ASCC1: variants seen among roughly 807,000 people sequenced by gnomAD.
The protein encoded by ASCC1 is ASC-1 complex subunit P50.
Under a neutral mutation model 46.6 loss-of-function variants are expected in ASCC1, and 35 were observed. The observed-to-expected ratio is 0.75, with a 90% confidence interval of 0.57 to 0.99. The LOEUF (loss-of-function observed/expected upper bound fraction) is 0.99. ASCC1 is among the 50% of genes least tolerant of loss of function. The pLI is 0.00. For synonymous variants in ASCC1, 143 were observed against 146.6 expected (o/e 0.98, Z 0.18); for missense variants, 376 against 428.7 (o/e 0.88, Z 1.09).
At chr10:72,217,045 GT>G, upstream of ASCC1, 1 of 454,246 alleles carries the variant, frequency 2.2e-6, no homozygotes, top group Non-Finnish European at 4.4e-6. Context: ...TCTGTCGTTT[GT>G]TCATCATTCA....
intron 7 of ASCC1, among the ~76,000 whole-genome samples, chr10:72,137,761 A>G (rs748181325): frequency 3.3e-5 from 5 of 152,220 alleles, no homozygotes; most frequent in Non-Finnish European, 5.9e-5. Flanking sequence ...TGTTAAATGT[A>G]TATCTATGGA....
At chr10:72,189,821 AAAG>A in intron 5 of ASCC1, 5 of 400,136 alleles carry the variant, frequency 1.2e-5, no homozygotes, top group South Asian at 8.3e-5. Context: ...AAAAAAAAAA[AAAG>A]AACCAAAGAC....
At chr10:72,209,177 A>AG (rs1857673441) in intron 3 of ASCC1, among the ~76,000 whole-genome samples, 2 of 144,624 alleles carry the variant, frequency 1.4e-5, no homozygotes, top group African/African-American at 5.8e-5. Flanking sequence ...AAAAAAAAAA[A>AG]AAGAGATATT....
chr10:72,118,774 C>T (rs574729191), intron 9 of ASCC1, among the ~76,000 whole-genome samples: 61 of 149,888 alleles, frequency 4.1e-4, no homozygotes, highest in African/African-American at 1.4e-3. Context: ...AATGAAACTC[C>T]GTCTCAAAAA....
intron 9 of ASCC1, among the ~76,000 whole-genome samples, chr10:72,101,238 C>G (rs907325414): frequency 2.6e-5 from 4 of 152,134 alleles, no homozygotes; most frequent in African/African-American, 9.7e-5. Flanking sequence ...TGAAAAGTCA[C>G]TGAGTCCTTT....
intron 5 of ASCC1, among the ~76,000 whole-genome samples, chr10:72,189,147 T>TA (rs1564724036): frequency 2.6e-5 from 4 of 151,832 alleles, no homozygotes; most frequent in South Asian, 4.2e-4. Flanking sequence ...ACGGCTGTAA[T>TA]ACCAGCCCTT....
chr10:72,139,801 G>A (rs1374327442), intron 7 of ASCC1, among the ~76,000 whole-genome samples: 3 of 152,150 alleles, frequency 2.0e-5, no homozygotes, highest in Non-Finnish European at 4.4e-5. Flanking sequence ...TCCAATTAAT[G>A]CTTCCTGAGC....
chr10:72,176,069 T>C (rs1851820657), intron 5 of ASCC1, among the ~76,000 whole-genome samples: 1 of 152,242 alleles, frequency 6.6e-6, no homozygotes, highest in African/African-American at 2.4e-5. Context: ...CTTAAACTTA[T>C]TAACTCATTT....
chr10:72,103,060 T>C, intron 9 of ASCC1: 1 of 391,616 alleles, frequency 2.6e-6, no homozygotes, highest in South Asian at 1.9e-5. Flanking sequence ...CAGCCAACAT[T>C]TATTAAGTAA....
intron 4 of ASCC1, among the ~76,000 whole-genome samples, chr10:72,202,194 A>G (rs1400759852): frequency 2.0e-5 from 3 of 152,084 alleles, no homozygotes; most frequent in East Asian, 3.9e-4. Context: ...TCGGCCAGAC[A>G]TGGTGCTCAC....
intron 9 of ASCC1, among the ~76,000 whole-genome samples, chr10:72,102,164 C>T (rs756289547): frequency 2.0e-5 from 3 of 152,030 alleles, no homozygotes; most frequent in South Asian, 4.2e-4. Flanking sequence ...AACATAGAAA[C>T]GCCTTGGTGA....
At chr10:72,159,829 G>C (rs1849411729) in intron 6 of ASCC1, among the ~76,000 whole-genome samples, 1 of 149,464 alleles carries the variant, frequency 6.7e-6, no homozygotes, top group South Asian at 2.1e-4. Flanking sequence ...TCTTGCTCAA[G>C]AAAAATAGTT....
chr10:72,162,603 G>A (rs1271131980), intron 5 of ASCC1, among the ~76,000 whole-genome samples: 1 of 152,064 alleles, frequency 6.6e-6, no homozygotes, highest in Non-Finnish European at 1.5e-5. Flanking sequence ...CTGCATAGCT[G>A]GGATTATGGG....
At chr10:72,131,873 ATTT>A (rs914278355) in intron 8 of ASCC1, among the ~76,000 whole-genome samples, 83 of 114,944 alleles carry the variant, frequency 7.2e-4, no homozygotes, top group African/African-American at 2.1e-3. Context: ...CTCTAGATAG[ATTT>A]TTTTTTTTTT....
At chr10:72,189,431 T>C (rs1282765824) in intron 5 of ASCC1, among the ~76,000 whole-genome samples, 1 of 149,996 alleles carries the variant, frequency 6.7e-6, no homozygotes, top group Non-Finnish European at 1.5e-5. Context: ...AATAAAAAAA[T>C]ATTTGGAGAA....
intron 4 of ASCC1, among the ~76,000 whole-genome samples, chr10:72,197,644 G>T (rs919409690): frequency 6.6e-6 from 1 of 151,840 alleles, no homozygotes; most frequent in Non-Finnish European, 1.5e-5. Flanking sequence ...AGTGGCTCAC[G>T]CCTGTAATCC....
chr10:72,152,996 G>C lies in ASCC1; in HGVS notation c.627-8C>G. Reference sequence around the variant, plus strand: ...TTACCCCCAGAAATATCACTGCAAAGGAAAAAGCATTAAGATATCTATAAC... The same window carrying C: ...TTACCCCCAGAAATATCACTGCAAACGAAAAAGCATTAAGATATCTATAAC... On this transcript the variant is annotated splice_region_variant and splice_polypyrimidine_tract_variant and intron_variant, in intron 6 of 9. Transcript: ENST00000672957. 2 of 1,613,908 alleles carry C rather than the reference G, an allele frequency of 1.2e-6. No individual in the cohort carries two copies. The highest frequency in any genetic ancestry group is 1.7e-6 in the Non-Finnish European group (2 of 1,179,926).
At chr10:72,180,798 T>C (rs971693782) in intron 5 of ASCC1, 1 of 152,400 alleles carries the variant, frequency 6.6e-6, no homozygotes, top group African/African-American at 2.4e-5. Flanking sequence ...CTCAGCATTA[T>C]AAAATATACC....
chr10:72,100,186 C>G (rs998107569), intron 9 of ASCC1, among the ~76,000 whole-genome samples: 1 of 151,880 alleles, frequency 6.6e-6, no homozygotes. Context: ...AGATAATTTA[C>G]TAGCAATTTT....
Sources: allele counts gnomAD v4.1 joint callset (sites outside exome capture counted in the v4.1 genomes callset), GRCh38; gene constraint gnomAD v4.1.1; transcripts MANE v1.5; gene names NCBI Gene and HGNC (gene_info 2026-07-23, HGNC 2026-07-21).